The following SYNE2 variants were observed in gnomAD, a reference collection of about 807,000 sequenced individuals.
The protein encoded by SYNE2 is spectrin repeat containing nuclear envelope protein 2, also known as nesprin-2.
In SYNE2, 431 loss-of-function variants were observed where a neutral mutation model predicts 856.3. The observed-to-expected ratio is 0.50, with a 90% CI of 0.47 to 0.55. The LOEUF (loss-of-function observed/expected upper bound fraction) is 0.55. Among genes scored for constraint, SYNE2 ranks in the 20% least tolerant of loss-of-function variants. The probability of loss-of-function intolerance (pLI) is 0.00; values close to 1 mark genes in which losing one functional copy is unlikely to be tolerated. For synonymous variants in SYNE2, 2,923 were observed against 2,872.3 expected, an observed-to-expected ratio of 1.02 and a Z score of -0.56; for missense variants, 8,129 against 8,023.2, an observed-to-expected ratio of 1.01 and a Z score of -0.50.
intron 63 of SYNE2, chr14:64,100,223 C>A (rs1393694371): frequency 2.0e-5 from 3 of 151,686 alleles, no homozygotes; most frequent in African/African-American, 7.3e-5. Context: ...AGTAAACTAT[C>A]GCAAGAACAA....
chr14:63,893,383 AC>A (rs1458420794), intron 1 of SYNE2, among the ~76,000 whole-genome samples: 5 of 151,764 alleles, frequency 3.3e-5, no homozygotes, highest in Admixed American at 6.6e-5. Flanking sequence ...ACATTGTGAG[AC>A]CTATTTTTTT....
In SYNE2 at chr14:64,177,425, G is replaced by T. The variant is rs780155648; in HGVS notation, c.17498G>T (p.Ser5833Ile). ...AGGCTGCAAGTTTTAAAGGCACAAA[G>T]TGAAGATCCTCTTCCAGAGCTTCAC... Reference protein sequence around the residue: ...KSRLQVLKAQSEDPLPELHED... With the variant: ...KSRLQVLKAQIEDPLPELHED... The change falls in exon 96 of 116, where the codon AGT becomes ATT. Residue 5833 changes from serine to isoleucine, a missense_variant. Physicochemically the swap from Ser to Ile is moderately radical, Grantham distance 142. Around this residue, in one of 3 missense-constraint regions of SYNE2, gnomAD observed 5,410 missense variants for 5,284.8 expected, o/e 1.02. Coordinates refer to ENST00000555002, the MANE Select transcript of SYNE2 (RefSeq NM_182914.3). The T allele has an allele frequency of 1.2e-6, 2 of 1,614,168 alleles. No homozygotes were observed. Among genetic ancestry groups the T allele is most frequent in the Non-Finnish European group, 1.7e-6 (2 of 1,180,044 alleles).
chr14:63,856,444 C>T (rs1891755276), intron 1 of SYNE2, among the ~76,000 whole-genome samples: 1 of 152,150 alleles, frequency 6.6e-6, no homozygotes, highest in African/African-American at 2.4e-5. Context: ...AGTGGGAAGA[C>T]AAGCTATTGC....
chr14:63,984,115 C>A (rs908643100), intron 18 of SYNE2, among the ~76,000 whole-genome samples: 2 of 152,026 alleles, frequency 1.3e-5, no homozygotes, highest in Admixed American at 1.3e-4. Context: ...TGTGTTTGTG[C>A]GCCTGTGGTT....
chr14:64,020,999 C>A (rs1041169090), intron 35 of SYNE2, among the ~76,000 whole-genome samples: 1 of 151,898 alleles, frequency 6.6e-6, no homozygotes, highest in African/African-American at 2.4e-5. Context: ...ATATATTTTT[C>A]TTTATATTTT....
chr14:63,893,326 A>G (rs928036384), intron 1 of SYNE2, among the ~76,000 whole-genome samples: 5 of 152,180 alleles, frequency 3.3e-5, no homozygotes, highest in Admixed American at 3.3e-4. Flanking sequence ...TGGGAGGCCA[A>G]AGCAGTCGGA....
intron 1 of SYNE2, among the ~76,000 whole-genome samples, chr14:63,865,255 C>CTAAT (rs1351691420): frequency 2.3e-5 from 3 of 129,876 alleles, no homozygotes; most frequent in African/African-American, 8.9e-5. Flanking sequence ...TATATGAGCC[C>CTAAT]TAATTCTTCA....
chr14:63,866,092 C>T (rs1895246889), intron 1 of SYNE2, among the ~76,000 whole-genome samples: 1 of 152,130 alleles, frequency 6.6e-6, no homozygotes, highest in Non-Finnish European at 1.5e-5. Context: ...ATGTCCTCAG[C>T]CCCCAAAATA....
intron 65 of SYNE2, among the ~76,000 whole-genome samples, chr14:64,112,313 A>T (rs1434920375): frequency 6.6e-6 from 1 of 152,262 alleles, no homozygotes; most frequent in Non-Finnish European, 1.5e-5. Context: ...AAACTCTTAT[A>T]GAAAACATTG....
At chr14:63,906,879 T>G (rs1024718149) in intron 1 of SYNE2, among the ~76,000 whole-genome samples, 1 of 152,230 alleles carries the variant, frequency 6.6e-6, no homozygotes, top group African/African-American at 2.4e-5. Context: ...CAATGTCTGA[T>G]GAGGGCCTGT....
intron 1 of SYNE2, among the ~76,000 whole-genome samples, chr14:63,854,496 A>G (rs1390931136): frequency 1.3e-5 from 2 of 152,204 alleles, no homozygotes; most frequent in African/African-American, 4.8e-5. Flanking sequence ...TTCCTGAGAT[A>G]ATTACTGAAC....
At chr14:64,195,038 G>C (rs1247246917) in intron 99 of SYNE2, among the ~76,000 whole-genome samples, 1 of 152,102 alleles carries the variant, frequency 6.6e-6, no homozygotes, top group Non-Finnish European at 1.5e-5. Context: ...ACACAGGTGG[G>C]GCTGTGTCTT....
intron 99 of SYNE2, chr14:64,197,095 C>CT (rs1489406668): frequency 6.6e-6 from 1 of 152,326 alleles, no homozygotes; most frequent in Non-Finnish European, 1.5e-5. Context: ...ATGATTTTTT[C>CT]TCATCAACAG....
At chr14:63,985,253 C>T (rs1204407259) in intron 18 of SYNE2, among the ~76,000 whole-genome samples, 1 of 150,280 alleles carries the variant, frequency 6.7e-6, no homozygotes, top group East Asian at 2.0e-4. Context: ...TTGCTTGAAC[C>T]CGGGAGGCGG....
At chr14:63,891,478 C>A (rs987318439) in intron 1 of SYNE2, among the ~76,000 whole-genome samples, 3 of 152,038 alleles carry the variant, frequency 2.0e-5, no homozygotes, top group Non-Finnish European at 2.9e-5. Flanking sequence ...TAAGAGACAT[C>A]CCCCTTTTCC....
intron 1 of SYNE2, among the ~76,000 whole-genome samples, chr14:63,900,408 G>A (rs1016917027): frequency 1.3e-5 from 2 of 152,114 alleles, no homozygotes; most frequent in Non-Finnish European, 2.9e-5. Context: ...AGCAAGTCAC[G>A]ACTTACATGG....
At chr14:63,885,138 C>G (rs886968801) in intron 1 of SYNE2, among the ~76,000 whole-genome samples, 1 of 152,136 alleles carries the variant, frequency 6.6e-6, no homozygotes, top group Non-Finnish European at 1.5e-5. Context: ...GTCCCACATC[C>G]AGGGACTAAT....
rs1294182087 is a variant in SYNE2 at position 63,954,916 on chromosome 14, G to A, written c.787+1G>A. On this transcript the variant is annotated splice_donor_variant, in intron 8 of 115. Coordinates refer to ENST00000555002, the MANE Select transcript of SYNE2 (RefSeq NM_182914.3). LOFTEE classifies it high-confidence loss of function. ...ATCCCCAGATTGCTGGAACCAGAAG[G>A]TAAAGAAGCTTCTTTGTTTTTAAAA... The A allele has an allele frequency of 8.1e-6, 13 of 1,608,820 alleles. No homozygotes were observed. The highest frequency in any genetic ancestry group is 1.1e-5 in the Non-Finnish European group (13 of 1,176,900).
rs187600277 is a variant in SYNE2 at position 64,226,033 on chromosome 14, C to A, written c.*507C>A. 103 of 207,686 alleles carry A rather than the reference C, an allele frequency of 5.0e-4. 2 individuals are homozygous for A. In the East Asian group the frequency reaches 0.01, roughly 21 times the overall value. The allele number at this position is 207,686 out of a possible 1,614,324, so 12.9% of individuals were successfully genotyped here. A position where few individuals can be genotyped will look rare whatever the true frequency, so the allele number is the denominator to read the frequency against. ...CAATCAGCTGGCAATTTTGAGCTGC[C>A]GGTTATACACCAAAATGTTCTGTTC... On this transcript the variant is annotated 3_prime_UTR_variant, in exon 116 of 116. Coordinates refer to ENST00000555002, the MANE Select transcript of SYNE2 (RefSeq NM_182914.3).
Sources: allele counts gnomAD v4.1 joint callset (sites outside exome capture counted in the v4.1 genomes callset), GRCh38; gene constraint gnomAD v4.1.1; regional missense constraint gnomAD v4.1.1; transcripts MANE v1.5; gene names NCBI Gene and HGNC (gene_info 2026-07-23, HGNC 2026-07-21).